TRAF2: variants seen among roughly 807,000 people sequenced by gnomAD.
TRAF2 encodes TNF receptor associated factor 2, also known as TNF receptor-associated factor 2.
In TRAF2, 6 loss-of-function variants were observed where a neutral mutation model predicts 55.6. The ratio of observed to expected loss-of-function variants is 0.11; its 90% CI spans 0.06 to 0.21. The LOEUF is 0.21. Among genes scored for constraint, TRAF2 ranks in the 10% least tolerant of loss-of-function variants. TRAF2 has a pLI of 1.00. For missense variants in TRAF2, 561 were observed against 684.5 expected (o/e 0.82, Z 2.01); for synonymous variants, 329 against 276.3 (o/e 1.19, Z -1.89).
chr9:136,882,796 G>A, upstream of TRAF2: 2 of 971,348 alleles, frequency 2.1e-6, no homozygotes, highest in South Asian at 4.8e-5. Context: ...GGGGTGGGGA[G>A]GCCGCTTCCC....
chr9:136,900,907 G>C (rs1274153384), intron 4 of TRAF2, among the ~76,000 whole-genome samples: 1 of 152,190 alleles, frequency 6.6e-6, no homozygotes, highest in Non-Finnish European at 1.5e-5. Context: ...GAATGAAGGG[G>C]AGATCGCTGT....
At chr9:136,912,890 T>C (rs1056517002) in intron 6 of TRAF2, among the ~76,000 whole-genome samples, 1 of 152,110 alleles carries the variant, frequency 6.6e-6, no homozygotes. Flanking sequence ...CCCAGCACTT[T>C]GGGAAGCCAA....
At chr9:136,915,548 C>T (rs1257948394) in intron 6 of TRAF2, among the ~76,000 whole-genome samples, 1 of 152,136 alleles carries the variant, frequency 6.6e-6, no homozygotes, top group Non-Finnish European at 1.5e-5. Flanking sequence ...TCATGAGTCA[C>T]CGAGAGCTGA....
intron 1 of TRAF2, among the ~76,000 whole-genome samples, chr9:136,894,644 G>T (rs1328403959): frequency 6.6e-6 from 1 of 152,126 alleles, no homozygotes. Flanking sequence ...CAGTGGCCGG[G>T]TTTCCTTCTG....
At chr9:136,917,072 G>A (rs946979393) in intron 7 of TRAF2, among the ~76,000 whole-genome samples, 2 of 152,106 alleles carry the variant, frequency 1.3e-5, no homozygotes, top group African/African-American at 2.4e-5. Context: ...CTTCACGTTC[G>A]GGCTGACAGA....
intron 6 of TRAF2, 100 bp from the exon 7 acceptor site, chr9:136,916,441 C>A (rs778510178): frequency 9.1e-6 from 11 of 1,212,818 alleles, no homozygotes; most frequent in Non-Finnish European, 1.3e-5. Flanking sequence ...GCCAACGGGG[C>A]AGGTCATGTA....
intron 10 of TRAF2, among the ~76,000 whole-genome samples, chr9:136,925,355 GTTA>G (rs2131339397): frequency 6.6e-6 from 1 of 152,346 alleles, no homozygotes; most frequent in South Asian, 2.1e-4. Flanking sequence ...TGCCAGATGT[GTTA>G]TTTTTTGCAT....
intron 7 of TRAF2, among the ~76,000 whole-genome samples, chr9:136,918,264 TAA>T (rs1314748928): frequency 2.4e-4 from 3 of 12,424 alleles, no homozygotes; most frequent in Middle Eastern, 0.021. Flanking sequence ...TATATTTATT[TAA>T]TTAATTAATT....
At chr9:136,923,779 C>T in intron 9 of TRAF2, 73 bp from the exon 10 acceptor site, 6 of 1,523,414 alleles carry the variant, frequency 3.9e-6, no homozygotes, top group Non-Finnish European at 5.4e-6. Flanking sequence ...TGGGGGAGGG[C>T]AGCCAGGCAG....
intron 9 of TRAF2, among the ~76,000 whole-genome samples, chr9:136,923,479 C>G (rs547366505): frequency 1.3e-5 from 2 of 151,882 alleles, no homozygotes; most frequent in East Asian, 3.9e-4. Context: ...GGTGTGGTGT[C>G]GAGCGTCTGT....
chr9:136,913,221 G>A (rs1441997931), intron 6 of TRAF2, among the ~76,000 whole-genome samples: 2 of 151,470 alleles, frequency 1.3e-5, no homozygotes, highest in African/African-American at 2.4e-5. Flanking sequence ...CTGTTTCTTC[G>A]AAGCTCTTTT....
intron 1 of TRAF2, among the ~76,000 whole-genome samples, chr9:136,895,517 A>G (rs1849661659): frequency 6.6e-6 from 1 of 152,178 alleles, no homozygotes; most frequent in Non-Finnish European, 1.5e-5. Flanking sequence ...GTCAGCATCT[A>G]CTGTCCTTCC....
At chr9:136,882,837 G>A (rs1849389989), upstream of TRAF2, 1 of 731,666 alleles carries the variant, frequency 1.4e-6, no homozygotes, top group African/African-American at 1.9e-5. Context: ...TCTCAGTCAG[G>A]CTGGTATCAA....
chr9:136,901,349 T>C (rs761631634), intron 4 of TRAF2, among the ~76,000 whole-genome samples: 1 of 152,064 alleles, frequency 6.6e-6, no homozygotes, highest in Non-Finnish European at 1.5e-5. Context: ...AGCCCAAAGG[T>C]AGAGGCAGCC....
intron 1 of TRAF2, among the ~76,000 whole-genome samples, chr9:136,893,387 G>T (rs796139556): frequency 8.5e-5 from 13 of 152,352 alleles, no homozygotes; most frequent in African/African-American, 2.9e-4. Flanking sequence ...TGCTGGCTTT[G>T]GGGGGCAGAC....
intron 1 of TRAF2, 37 bp downstream of exon 1, chr9:136,886,578 C>T (rs954479033): frequency 8.5e-5 from 82 of 962,484 alleles, no homozygotes; most frequent in Non-Finnish European, 9.6e-5. Context: ...GGGTCGGGCG[C>T]GGGCGCGGGG....
chr9:136,923,772 G>C, intron 9 of TRAF2, 80 bp from the exon 10 acceptor site: 2 of 1,496,004 alleles, frequency 1.3e-6, no homozygotes, highest in Non-Finnish European at 1.8e-6. Flanking sequence ...TTGTCCCTGG[G>C]GGAGGGCAGC....
intron 9 of TRAF2, 134 bp from the exon 10 acceptor site, chr9:136,923,716 ACT>A: frequency 1.0e-5 from 7 of 682,454 alleles, no homozygotes; most frequent in African/African-American, 3.5e-5. Context: ...GGGAAAAAAA[ACT>A]TTTCTTTGCA....
chr9:136,900,623 G>A (rs1259051908), intron 4 of TRAF2, 103 bp downstream of exon 4: 2 of 909,548 alleles, frequency 2.2e-6, no homozygotes, highest in Admixed American at 2.0e-5. Context: ...TCCTCTCACT[G>A]GGGCTGAAGC....
Sources: gnomAD v4.1 joint callset for allele counts (sites outside exome capture counted in the v4.1 genomes callset) on GRCh38, gnomAD v4.1.1 for gene constraint, MANE v1.5 for transcripts, NCBI Gene and HGNC (gene_info 2026-07-23, HGNC 2026-07-21) for gene names.